ZNF331: variants seen among roughly 807,000 people sequenced by gnomAD.
ZNF331 encodes the protein C2H2-like zinc finger protein rearranged in thyroid adenomas.
Under a neutral mutation model 7.0 loss-of-function variants are expected in ZNF331, and 2 were observed. That is an observed-to-expected ratio of 0.29 (90% CI 0.12 to 0.90). The LOEUF is 0.90. Ranked by LOEUF, ZNF331 falls within the 40% of genes least tolerant of loss-of-function variation. The pLI, the probability that ZNF331 is intolerant of heterozygous loss-of-function variation, is 0.58. For missense variants in ZNF331, 432 were observed against 587.7 expected (o/e 0.74, Z 2.74); for synonymous variants, 196 against 205.4 (o/e 0.95, Z 0.39).
At position 53,528,520 on chromosome 19, in the gene ZNF331, C is replaced by T. The variant is rs537985008; in HGVS notation, c.-205+5836C>T. ...TCTCATGGTATTTATATTCCAGTTT[C>T]ACCAGTGAGGAAAAAGACACTGCGA... On this transcript the variant is annotated intron_variant, in intron 2 of 6. Coordinates refer to the ZNF331 transcript ENST00000253144. Among the ~76,000 whole-genome samples, 3 of 152,266 alleles carry T rather than the reference C, an allele frequency of 2.0e-5. No homozygotes were observed. The South Asian group carries it at 6.2e-4, about 32-fold the overall frequency.
chr19:53,544,257 A>T (rs554921581), intron 2 of ZNF331, among the ~76,000 whole-genome samples: 1 of 140,746 alleles, frequency 7.1e-6, no homozygotes, highest in South Asian at 2.4e-4. Flanking sequence ...AAGAATCGAT[A>T]TTATTAGGCC....
rs771286443 is a variant in ZNF331 at position 53,576,753 on chromosome 19, A to C, written c.193A>C (p.Ile65Leu). Residue 65 changes from isoleucine (I) to leucine (L), a missense_variant, in exon 6 of 6, where the codon ATA (isoleucine) becomes CTA (leucine). By Grantham distance (5) the Ile-to-Leu change is conservative. This residue lies in a region of ZNF331 where 81 missense variants were observed against 70.3 expected (regional missense o/e 1.15). Coordinates refer to ENST00000449416, the MANE Select transcript of ZNF331 (RefSeq NM_001079906.2). ...SLPTEKNIHE[I>L]RASKRNSDRR... ...ACCTACAGAAAAAAACATTCATGAA[A>C]TAAGGGCTTCCAAAAGGAATTCAGA... is the stretch of plus-strand genomic sequence containing the variant. 1 of 1,613,708 alleles carries C rather than the reference A, an allele frequency of 6.2e-7. No individual in the cohort carries two copies. Among genetic ancestry groups the C allele is most frequent in the South Asian group, 1.1e-5 (1 of 90,972 alleles).
In ZNF331 at chr19:53,571,577, T is replaced by A; in HGVS notation, c.10-27T>A. Reference sequence around the variant, plus strand: ...CTGGAAGCTGTTTCCTTTCATTTCATCATGCACGTGTGGGTTTCTGTTTCA... The same window carrying A: ...CTGGAAGCTGTTTCCTTTCATTTCAACATGCACGTGTGGGTTTCTGTTTCA... On this transcript the variant is annotated intron_variant, in intron 4 of 5. Coordinates refer to ENST00000449416, the MANE Select transcript of ZNF331 (RefSeq NM_001079906.2). This position sits in a 1 kb window ranked among gnomAD's most constrained non-coding sequence, Gnocchi z 4.7. 6.2e-7 allele frequency: 1 copy of A among 1,610,258 alleles called. No homozygotes were observed. The highest frequency in any genetic ancestry group is 8.5e-7 in the Non-Finnish European group (1 of 1,178,344).
At position 53,573,346 on chromosome 19, in the gene ZNF331, C is replaced by A. The variant is rs1304565302; in HGVS notation, c.136+1616C>A. Reference sequence around the variant, plus strand: ...CTTGGCCAACAGAGTGAAACCCCATCTCTCCTGAAAATACAAAAATTTGCC... The same window carrying A: ...CTTGGCCAACAGAGTGAAACCCCATATCTCCTGAAAATACAAAAATTTGCC... On this transcript the variant is annotated intron_variant, in intron 5 of 5. Transcript: ENST00000449416. The surrounding 1 kb of genome is among the most constrained non-coding windows in gnomAD (Gnocchi z 4.2). Among the ~76,000 whole-genome samples the A allele has an allele frequency of 6.6e-6, 1 of 152,032 alleles. No individual in the cohort carries two copies. The highest frequency in any genetic ancestry group is 2.4e-5 in the African/African-American group (1 of 41,404).
exon 1 of ZNF331, chr19:53,521,547 A>G: frequency 6.6e-6 from 1 of 152,452 alleles, no homozygotes; most frequent in Non-Finnish European, 1.5e-5. Flanking sequence ...TGAGGGCCAT[A>G]GCGCCGGGCT....
chr19:53,511,796 C>T, the ZNF331 span, among the ~76,000 whole-genome samples: 2 of 152,084 alleles, frequency 1.3e-5, no homozygotes, highest in African/African-American at 4.8e-5. Context: ...GATGATTACA[C>T]CCTAATATTT....
the ZNF331 span, chr19:53,503,457 A>T: frequency 1.6e-6 from 1 of 638,318 alleles, no homozygotes; most frequent in East Asian, 2.8e-5. Context: ...AATCCTGGGG[A>T]TTTCTCTCTT....
At chr19:53,545,025 G>A (rs949461733) in intron 2 of ZNF331, among the ~76,000 whole-genome samples, 13 of 152,272 alleles carry the variant, frequency 8.5e-5, no homozygotes, top group African/African-American at 2.9e-4. Flanking sequence ...TGCCCGGCCT[G>A]TACTGTAGTT....
the ZNF331 span, among the ~76,000 whole-genome samples, chr19:53,504,451 T>TC: frequency 2.7e-5 from 4 of 150,296 alleles, no homozygotes; most frequent in Non-Finnish European, 3.0e-5. Context: ...TACCTCCTGA[T>TC]CCCCCCTCCA....
At chr19:53,530,222 T>C (rs2087479549) in intron 2 of ZNF331, among the ~76,000 whole-genome samples, 1 of 151,972 alleles carries the variant, frequency 6.6e-6, no homozygotes, top group Non-Finnish European at 1.5e-5. Context: ...AAGAACTCAC[T>C]CACCATGGCC....
exon 1 of ZNF331, chr19:53,521,331 A>AGTGAGAGTGTGTGTGT (rs779905191): frequency 3.1e-5 from 4 of 129,210 alleles, no homozygotes; most frequent in South Asian, 2.4e-4. Context: ...AGTGTGTGTG[A>AGTGAGAGTGTGTGTGT]GTGTGTGTGT....
chr19:53,540,790 T>C (rs35585187), intron 2 of ZNF331, among the ~76,000 whole-genome samples: 122,578 of 151,680 alleles, frequency 0.81, 50,204 homozygotes, highest in African/African-American at 0.91. Flanking sequence ...CTGCCCCACA[T>C]GCCTTGGTTT....
the ZNF331 span, among the ~76,000 whole-genome samples, chr19:53,506,448 C>CTCTCTCTCTCTCTCTCTCTG: frequency 2.2e-5 from 1 of 44,730 alleles, no homozygotes; most frequent in African/African-American, 7.0e-5. Flanking sequence ...CTCTCTGTCT[C>CTCTCTCTCTCTCTCTCTCTG]TCTCTCTCTC....
Position 53,573,080 on chromosome 19 carries a change from A to G in ZNF331, c.136+1350A>G, listed in dbSNP as rs147697494. ...CTAAAAATATAAAAATTAGCCGGGC[A>G]TGGTGGCGCACGCCTGTGATCTCAG... On this transcript the variant is annotated intron_variant, in intron 5 of 5. Coordinates refer to ENST00000449416, the MANE Select transcript of ZNF331 (RefSeq NM_001079906.2). This position sits in a 1 kb window ranked among gnomAD's most constrained non-coding sequence, Gnocchi z 4.2. Among the ~76,000 whole-genome samples, 27 of 152,208 alleles carry G rather than the reference A, an allele frequency of 1.8e-4. No homozygotes were observed. In the East Asian group the frequency reaches 4.4e-3, roughly 25 times the overall value.
intron 3 of ZNF331, among the ~76,000 whole-genome samples, chr19:53,557,654 T>A (rs2089521181): frequency 6.6e-6 from 1 of 152,184 alleles, no homozygotes; most frequent in Non-Finnish European, 1.5e-5. Flanking sequence ...ACCACAACGA[T>A]AATCAACACA....
intron 2 of ZNF331, among the ~76,000 whole-genome samples, chr19:53,544,204 C>CAA (rs1305348936): frequency 1.7e-4 from 22 of 131,570 alleles, no homozygotes; most frequent in Admixed American, 1.5e-3. Context: ...TCCAGCTTGG[C>CAA]CAGAGCAAGA....
chr19:53,559,974 CAT>C (rs913431014), intron 3 of ZNF331, among the ~76,000 whole-genome samples: 2 of 149,532 alleles, frequency 1.3e-5, no homozygotes, highest in Admixed American at 1.3e-4. Context: ...ACCCCGTACA[CAT>C]ATATACACAC....
intron 3 of ZNF331, among the ~76,000 whole-genome samples, chr19:53,556,480 CT>C (rs892971592): frequency 2.8e-4 from 41 of 144,876 alleles, no homozygotes; most frequent in Admixed American, 1.0e-3. Flanking sequence ...AAAGGGCAAA[CT>C]TTTTTTTTTT....
upstream of ZNF331, among the ~76,000 whole-genome samples, chr19:53,533,943 A>G (rs971993512): frequency 4.6e-5 from 7 of 152,226 alleles, no homozygotes; most frequent in African/African-American, 1.4e-4. Context: ...TAACACAAAT[A>G]TAGAATGGTA....
Sources: gnomAD v4.1 joint callset for allele counts (sites outside exome capture counted in the v4.1 genomes callset) on GRCh38, gnomAD v4.1.1 for gene constraint, gnomAD v4.1.1 regional missense constraint, Gnocchi (gnomAD v3.1) non-coding constraint, MANE v1.5 for transcripts, NCBI Gene and HGNC (gene_info 2026-07-23, HGNC 2026-07-21) for gene names.